MACF1: variants seen among roughly 807,000 people sequenced by gnomAD.
The protein encoded by MACF1 is microtubule actin crosslinking factor 1, also known as microtubule-actin cross-linking factor 1.
MACF1 carries 193 observed loss-of-function variants against 854.8 expected under a neutral mutation model. The ratio of observed to expected loss-of-function variants is 0.23; its 90% CI spans 0.20 to 0.25. The LOEUF (loss-of-function observed/expected upper bound fraction) is 0.25. Ranked by LOEUF, MACF1 falls within the 10% of genes least tolerant of loss-of-function variation. The pLI is 1.00. For missense variants in MACF1, 7,722 were observed against 8,929.1 expected, an observed-to-expected ratio of 0.86 and a Z score of 5.45; for synonymous variants, 3,185 against 3,226.7, an observed-to-expected ratio of 0.99 and a Z score of 0.44.
At position 39,227,962 on chromosome 1, in the gene MACF1, A is replaced by C. The variant is rs1295802805; in HGVS notation, c.110-3220A>C. 2.0e-5 allele frequency among the ~76,000 whole-genome samples: 3 copies of C among 152,194 alleles called. No individual in the cohort carries two copies. In the East Asian group the frequency reaches 5.8e-4, roughly 29 times the overall value. The stretch of plus-strand genomic sequence containing the variant: ...CAGGTAGGCTTAACCTCTTATGTTC[A>C]TGAGCACTCTGTGCTTACCTGTTAT... On this transcript the variant is annotated intron_variant, in intron 1 of 100. Coordinates refer to ENST00000564288, the MANE Select transcript of MACF1 (RefSeq NM_001394062.1).
chr1:39,350,334 T>G (rs1379728835), intron 42 of MACF1, among the ~76,000 whole-genome samples: 1 of 152,176 alleles, frequency 6.6e-6, no homozygotes, highest in Non-Finnish European at 1.5e-5. Context: ...CTAGTTCGAC[T>G]GGACTGCAAA....
Position 39,357,767 on chromosome 1 carries a change from C to T in MACF1, c.11817C>T (p.Ile3939=). 6.2e-7 allele frequency: 1 copy of T among 1,614,138 alleles called. No individual in the cohort carries two copies. The highest frequency in any genetic ancestry group is 8.5e-7 in the Non-Finnish European group (1 of 1,180,034). ...SHKGDLRFVT[I]SGQKVLDMEN... ...AAGGAGACTTGAGATTTGTGACTATCTCAGGACAGAAAGTCTTGGACATGG... is the reference window on the plus strand; with the variant it reads ...AAGGAGACTTGAGATTTGTGACTATTTCAGGACAGAAAGTCTTGGACATGG... The change falls in exon 45 of 101, where the codon ATC becomes ATT. Residue 3939 remains isoleucine, a synonymous_variant. Coordinates refer to ENST00000564288, the MANE Select transcript of MACF1 (RefSeq NM_001394062.1).
intron 32 of MACF1, 28 bp downstream of exon 32, chr1:39,322,743 C>T (rs1460265246): frequency 6.3e-7 from 1 of 1,597,092 alleles, no homozygotes; most frequent in East Asian, 2.2e-5. Context: ...GGAAATACAC[C>T]ACTGTCTTCC....
chr1:39,398,185 C>T (rs1642347147), intron 58 of MACF1, among the ~76,000 whole-genome samples: 1 of 150,040 alleles, frequency 6.7e-6, no homozygotes, highest in Admixed American at 6.7e-5. Context: ...ATCACCCAGG[C>T]TAGAGTGCAG....
intron 26 of MACF1, among the ~76,000 whole-genome samples, chr1:39,312,173 A>G (rs1646314252): frequency 6.6e-6 from 1 of 152,200 alleles, no homozygotes. Context: ...TCAGTTAGCT[A>G]TAACTGCACC....
At chr1:39,253,399 C>G (rs989852947) in intron 4 of MACF1, among the ~76,000 whole-genome samples, 1 of 151,908 alleles carries the variant, frequency 6.6e-6, no homozygotes, top group Non-Finnish European at 1.5e-5. Flanking sequence ...CAGCTATGTT[C>G]CTGGGAAACT....
chr1:39,459,005 A>T, intron 90 of MACF1, 81 bp from the exon 91 acceptor site: 1 of 1,206,492 alleles, frequency 8.3e-7, no homozygotes, highest in Non-Finnish European at 1.2e-6. Context: ...TATTATAAAG[A>T]TCTTCTAGGT....
At chr1:39,289,693 C>CTTTTTTTT (rs58188740) in intron 15 of MACF1, among the ~76,000 whole-genome samples, 1,043 of 28,976 alleles carry the variant, frequency 0.036, 415 homozygotes, top group Non-Finnish European at 0.045. Flanking sequence ...GTGGGTTGTC[C>CTTTTTTTT]TTTTTTTTTT....
In MACF1 at chr1:39,412,154, G is replaced by C. The variant is rs764474956; in HGVS notation, c.15817-10220G>C. On this transcript the variant is annotated intron_variant, in intron 58 of 100. Coordinates refer to ENST00000564288, the MANE Select transcript of MACF1 (RefSeq NM_001394062.1). ...TCTGAGCTGGCCAAAGACAATGGCA[G>C]TTTGTCCCAGGGAGACTGCAGTCAA... The C allele has an allele frequency of 4.3e-6, 7 of 1,613,872 alleles. No homozygotes were observed. In the African/African-American group the frequency reaches 9.3e-5, roughly 22 times the overall value.
rs775836729 is a variant in MACF1, at chr1:39,410,790, A to T, written c.15817-11584A>T. 2.5e-6 allele frequency: 4 copies of T among 1,613,908 alleles called. No individual in the cohort carries two copies. The Admixed American group carries it at 6.7e-5, about 27-fold the overall frequency. On this transcript the variant is annotated intron_variant, in intron 58 of 100. Coordinates refer to ENST00000564288, the MANE Select transcript of MACF1 (RefSeq NM_001394062.1). Reference sequence around the variant, plus strand: ...AGAAGAAGGAGTCCAGTTCTGCATTAACAGAAAGTTCTGGTCATTTGGACC... The same window carrying T: ...AGAAGAAGGAGTCCAGTTCTGCATTTACAGAAAGTTCTGGTCATTTGGACC...
At chr1:39,201,641 C>T (rs745758726), upstream of MACF1, among the ~76,000 whole-genome samples, 9 of 152,004 alleles carry the variant, frequency 5.9e-5, no homozygotes, top group South Asian at 2.1e-4. Context: ...CGTGATTCAC[C>T]GCGCCAGGCT....
rs1457891599 is a variant in MACF1 at position 39,331,997 on chromosome 1, C to T, written c.5409C>T (p.Ile1803=). The T allele has an allele frequency of 1.2e-6, 2 of 1,613,774 alleles. No homozygotes were observed. Among genetic ancestry groups the T allele is most frequent in the African/African-American group, 2.7e-5 (2 of 74,840 alleles). ...TTGACCAAGATATGGCCTGTGCTAT[C>T]CTCATAAGGCAGCTTCAGACAGGAG... ...NLIDQDMACA[I]LIRQLQTGGI... Residue 1803 remains isoleucine, a synonymous_variant, in exon 37 of 101, where the codon ATC becomes ATT. Coordinates refer to ENST00000564288, the MANE Select transcript of MACF1 (RefSeq NM_001394062.1).
rs201968058 is a variant in MACF1, at chr1:39,437,792, G to A, written c.18004G>A (p.Glu6002Lys). The change falls in exon 71 of 101, where the codon GAG becomes AAG. Residue 6002 changes from glutamate (E) to lysine (K), a missense_variant. Glu to Lys is a moderately conservative substitution (Grantham distance 56). Coordinates refer to ENST00000564288, the MANE Select transcript of MACF1 (RefSeq NM_001394062.1). ...SQSTQFHDKI[E>K]PMLETLENLS... ...ATTTGTTTAGTTTCATGATAAAATT[G>A]AGCCTATGTTGGAGACACTGGAGAA... is the stretch of plus-strand genomic sequence containing the variant. 588 of 1,612,750 alleles carry A rather than the reference G, an allele frequency of 3.6e-4. 2 individuals are homozygous for A. Among genetic ancestry groups the A allele is most frequent in the South Asian group, 6.4e-4 (58 of 91,038 alleles).
Position 39,485,646 on chromosome 1 carries a change from C to T in MACF1, c.22520C>T (p.Thr7507Met), listed in dbSNP as rs574692576. 6 of 1,614,160 alleles carry T rather than the reference C, an allele frequency of 3.7e-6. No homozygotes were observed. The highest frequency in any genetic ancestry group is 2.2e-5 in the East Asian group (1 of 44,878). Reference sequence around the variant, plus strand: ...GCTTCTGACTTTGACCTCTTAGAGACGCAGTCTGCTTGTTCCGACACTTCA... The same window carrying T: ...GCTTCTGACTTTGACCTCTTAGAGATGCAGTCTGCTTGTTCCGACACTTCA... ...SDASDFDLLETQSACSDTSES... is the reference protein window; with the variant it reads ...SDASDFDLLEMQSACSDTSES... The change falls in exon 101 of 101, where the codon ACG becomes ATG. Residue 7507 changes from threonine (T) to methionine (M), a missense_variant. Thr to Met is a moderately conservative substitution (Grantham distance 81, BLOSUM62 -1). Transcript: ENST00000564288.
chr1:39,111,147 A>T (rs567972387), intron 2 of MACF1, among the ~76,000 whole-genome samples: 1 of 152,060 alleles, frequency 6.6e-6, no homozygotes, highest in African/African-American at 2.4e-5. Context: ...TCTGGCTTCT[A>T]TTGGTGGCAT....
chr1:39,376,771 G>A (rs621807), intron 52 of MACF1, among the ~76,000 whole-genome samples: 44,413 of 151,768 alleles, frequency 0.29, 6,809 homozygotes, highest in East Asian at 0.42. Context: ...GCTGGAGTAC[G>A]GTAGTGTGAT....
At chr1:39,135,310 G>T (rs1481903516) in intron 2 of MACF1, among the ~76,000 whole-genome samples, 1 of 152,022 alleles carries the variant, frequency 6.6e-6, no homozygotes, top group African/African-American at 2.4e-5. Context: ...GCAATGGTGC[G>T]ATTTCCGCTC....
At chr1:39,343,886 C>A (rs1306400158) in intron 40 of MACF1, among the ~76,000 whole-genome samples, 1 of 152,114 alleles carries the variant, frequency 6.6e-6, no homozygotes, top group African/African-American at 2.4e-5. Flanking sequence ...GAGGCCGAGG[C>A]GGGCGGATCA....
At chr1:39,448,232 C>A in intron 83 of MACF1, 80 bp downstream of exon 83, 1 of 1,481,524 alleles carries the variant, frequency 6.7e-7, no homozygotes, top group Middle Eastern at 1.9e-4. Context: ...AAAATCAGAG[C>A]TAGTAAAAAG....
Sources: gnomAD v4.1 joint callset for allele counts (sites outside exome capture counted in the v4.1 genomes callset) on GRCh38, gnomAD v4.1.1 for gene constraint, MANE v1.5 for transcripts, NCBI Gene and HGNC (gene_info 2026-07-23, HGNC 2026-07-21) for gene names.